LRRC7: variants seen among roughly 807,000 people sequenced by gnomAD.
The protein encoded by LRRC7 is leucine rich repeat containing 7, also known as leucine-rich repeat-containing protein 7.
In LRRC7, 23 loss-of-function variants were observed where a neutral mutation model predicts 175.7. The ratio of observed to expected loss-of-function variants is 0.13; its 90% CI spans 0.09 to 0.19. The LOEUF (loss-of-function observed/expected upper bound fraction) is 0.19. Among genes scored for constraint, LRRC7 ranks in the 10% least tolerant of loss-of-function variants. LRRC7 has a pLI of 1.00. For missense variants in LRRC7, 1,354 were observed against 1,904.7 expected (o/e 0.71, Z 5.38); for synonymous variants, 685 against 680.9 (o/e 1.01, Z -0.09).
Position 70,125,411 on chromosome 1 carries a change from T to C in LRRC7, c.*3524T>C, listed in dbSNP as rs899821744. 6.6e-6 allele frequency among the ~76,000 whole-genome samples: 1 copy of C among 152,238 alleles called. No homozygotes were observed. The highest frequency in any genetic ancestry group is 2.4e-5 in the African/African-American group (1 of 41,462). ...AGAGACTGACAAGCCAATGTTAATTTGCTCTTAATCTTAAAGATGATTGCA... is the reference window on the plus strand; with the variant it reads ...AGAGACTGACAAGCCAATGTTAATTCGCTCTTAATCTTAAAGATGATTGCA... On this transcript the variant is annotated 3_prime_UTR_variant, in exon 27 of 27. Coordinates refer to ENST00000651989, the MANE Select transcript of LRRC7 (RefSeq NM_001370785.2).
intron 7 of LRRC7, among the ~76,000 whole-genome samples, chr1:69,865,236 A>C (rs1684781488): frequency 6.6e-6 from 1 of 152,080 alleles, no homozygotes; most frequent in East Asian, 1.9e-4. Flanking sequence ...TTCAGTTGAC[A>C]AGATGGTCAA....
Position 69,939,019 on chromosome 1 carries a change from ATATATATATATCTATATATATCTATATC to A in LRRC7, c.711+7453_711+7480del, listed in dbSNP as rs1557910930. 2.7e-4 allele frequency among the ~76,000 whole-genome samples: 30 copies of A among 110,734 alleles called. 2 individuals carry two copies. The highest frequency in any genetic ancestry group is 4.4e-3 in the Middle Eastern group (1 of 226). The allele number at this position is 110,734 out of a possible 152,430, so 72.6% of individuals were successfully genotyped here. ...ATTATATATATATATATATATCTAT[ATATATATATATCTATATATATCTATATC>A]TATCTCACAGACATTGCCAGAAGTT... On this transcript the variant is annotated intron_variant, in intron 8 of 26. Coordinates refer to ENST00000651989, the MANE Select transcript of LRRC7 (RefSeq NM_001370785.2).
rs1442396943 is a variant in LRRC7 at position 70,039,080 on chromosome 1, A to G, written c.3256A>G (p.Ile1086Val). The G allele has an allele frequency of 2.5e-6, 4 of 1,614,016 alleles. No individual in the cohort carries two copies. In the African/African-American group the frequency reaches 5.3e-5, roughly 22 times the overall value. ...AGTGGAAGTGAAAGCCGAAAAGAGG[A>G]TACCACCCCCTTTTCAACACAATCC... ...GSVEVKAEKRIPPPFQHNPEY... is the reference protein window; with the variant it reads ...GSVEVKAEKRVPPPFQHNPEY... Residue 1086 changes from isoleucine (I) to valine (V), a missense_variant, in exon 21 of 27, where the codon ATA (isoleucine) becomes GTA (valine). Transcript: ENST00000651989.
chr1:70,002,748 T>C (rs1373336228), intron 11 of LRRC7, among the ~76,000 whole-genome samples: 1 of 152,120 alleles, frequency 6.6e-6, no homozygotes, highest in African/African-American at 2.4e-5. Context: ...ATAATAATAA[T>C]TGTCAGAAAT....
chr1:70,053,966 A>C (rs1272425155), intron 23 of LRRC7, among the ~76,000 whole-genome samples: 1 of 152,216 alleles, frequency 6.6e-6, no homozygotes, highest in Non-Finnish European at 1.5e-5. Context: ...AAATTAAGAA[A>C]TCTGAAAAAT....
chr1:69,898,568 C>A (rs1296743583), intron 7 of LRRC7, among the ~76,000 whole-genome samples: 2 of 152,208 alleles, frequency 1.3e-5, no homozygotes, highest in African/African-American at 4.8e-5. Context: ...CAGCACCAAA[C>A]ACTGAATGCC....
At chr1:70,100,970 C>G (rs749903030) in intron 25 of LRRC7, among the ~76,000 whole-genome samples, 17 of 152,126 alleles carry the variant, frequency 1.1e-4, no homozygotes, top group Non-Finnish European at 1.9e-4. Flanking sequence ...TGGAGAGGAG[C>G]ACTATTGATA....
intron 26 of LRRC7, among the ~76,000 whole-genome samples, chr1:70,114,214 A>G (rs1457554581): frequency 2.0e-5 from 3 of 152,192 alleles, no homozygotes; most frequent in Non-Finnish European, 2.9e-5. Flanking sequence ...ATTTGTGGTT[A>G]AAAATCAAAA....
intron 1 of LRRC7, among the ~76,000 whole-genome samples, chr1:69,677,862 T>A (rs1358361627): frequency 6.6e-6 from 1 of 152,086 alleles, no homozygotes; most frequent in Non-Finnish European, 1.5e-5. Flanking sequence ...AAGGTGCTGA[T>A]AAATTTGGTT....
At chr1:69,951,333 G>A (rs1649901728) in intron 8 of LRRC7, among the ~76,000 whole-genome samples, 1 of 152,048 alleles carries the variant, frequency 6.6e-6, no homozygotes. Context: ...CTTATACACT[G>A]TTGGTGATAC....
rs1298215012 is a variant in LRRC7 at position 70,023,236 on chromosome 1, C to T, written c.1656C>T (p.Ile552=). 2 of 1,612,300 alleles carry T rather than the reference C, an allele frequency of 1.2e-6. No individual in the cohort carries two copies. Among genetic ancestry groups the T allele is most frequent in the Non-Finnish European group, 1.7e-6 (2 of 1,179,028 alleles). The change falls in exon 17 of 27, where the codon ATC becomes ATT. Residue 552 remains isoleucine, a synonymous_variant. Transcript: ENST00000651989. The part of the protein sequence containing the change: ...CTPWARCDQQ[I]QDMPVPQNDP... ...CATGGGCCAGGTGTGATCAGCAGAT[C>T]CAAGATATGCCCGTCCCCCAGAATG...
At chr1:69,773,571 T>G (rs939058564) in intron 3 of LRRC7, among the ~76,000 whole-genome samples, 13 of 152,302 alleles carry the variant, frequency 8.5e-5, no homozygotes, top group Non-Finnish European at 1.6e-4. Context: ...TTATAAAGTT[T>G]CTTTTAAAGT....
intron 11 of LRRC7, among the ~76,000 whole-genome samples, chr1:70,008,885 T>C (rs1290857070): frequency 6.6e-6 from 1 of 152,182 alleles, no homozygotes; most frequent in Non-Finnish European, 1.5e-5. Context: ...GACCGGTCAC[T>C]GATCACAATG....
At chr1:70,077,076 TG>T (rs1662835866) in intron 24 of LRRC7, among the ~76,000 whole-genome samples, 1 of 152,208 alleles carries the variant, frequency 6.6e-6, no homozygotes, top group African/African-American at 2.4e-5. Flanking sequence ...ACTTTTAATA[TG>T]GTCTATAAAA....
intron 12 of LRRC7, 129 bp downstream of exon 12, chr1:70,012,055 A>G (rs1430871466): frequency 2.0e-6 from 1 of 493,880 alleles, no homozygotes; most frequent in Admixed American, 3.8e-5. Flanking sequence ...TTATCTACAT[A>G]TATATTTGCT....
At chr1:70,084,278 A>G (rs1018576905) in intron 24 of LRRC7, among the ~76,000 whole-genome samples, 1 of 152,134 alleles carries the variant, frequency 6.6e-6, no homozygotes, top group Non-Finnish European at 1.5e-5. Context: ...TGACATTTTC[A>G]TCGTTCAAAA....
intron 3 of LRRC7, among the ~76,000 whole-genome samples, chr1:69,771,571 C>T (rs1672244627): frequency 6.6e-6 from 1 of 152,054 alleles, no homozygotes; most frequent in African/African-American, 2.4e-5. Flanking sequence ...GCTGATTTTT[C>T]CTGCCAATTT....
intron 1 of LRRC7, among the ~76,000 whole-genome samples, chr1:69,586,860 C>T (rs1337085299): frequency 6.6e-6 from 1 of 151,898 alleles, no homozygotes; most frequent in Non-Finnish European, 1.5e-5. Flanking sequence ...TAAGAAATTC[C>T]ATTTATTGTT....
chr1:69,571,378 A>T (rs1295047615), intron 1 of LRRC7, among the ~76,000 whole-genome samples: 1 of 152,158 alleles, frequency 6.6e-6, no homozygotes, highest in East Asian at 1.9e-4. Flanking sequence ...AATTTTTCTA[A>T]TTCCCTTATA....
Sources: gnomAD v4.1 joint callset for allele counts (sites outside exome capture counted in the v4.1 genomes callset) on GRCh38, gnomAD v4.1.1 for gene constraint, MANE v1.5 for transcripts, NCBI Gene and HGNC (gene_info 2026-07-23, HGNC 2026-07-21) for gene names.